The following SIK3 variants were observed in gnomAD, a reference collection of about 807,000 sequenced individuals.
SIK3 encodes the protein SIK family kinase 3, also known as serine/threonine-protein kinase SIK3.
In SIK3, 28 loss-of-function variants were observed where a neutral mutation model predicts 144.2. The ratio of observed to expected loss-of-function variants is 0.19; its 90% CI spans 0.14 to 0.27. The LOEUF (loss-of-function observed/expected upper bound fraction) is 0.27, where lower values mean the gene tolerates loss of function less well. Ranked by LOEUF, SIK3 falls within the 10% of genes least tolerant of loss-of-function variation. SIK3 has a pLI of 1.00. For synonymous variants in SIK3, 686 were observed against 676.3 expected, an observed-to-expected ratio of 1.01 and a Z score of -0.22; for missense variants, 1,319 against 1,776.0, an observed-to-expected ratio of 0.74 and a Z score of 4.62.
intron 3 of SIK3, among the ~76,000 whole-genome samples, chr11:116,931,247 C>T (rs546508127): frequency 2.3e-4 from 35 of 152,250 alleles, no homozygotes; most frequent in Non-Finnish European, 4.7e-4. Flanking sequence ...AGCACCAGCA[C>T]GTAAGTTTGC....
intron 1 of SIK3, among the ~76,000 whole-genome samples, chr11:117,038,622 G>A (rs973840636): frequency 5.9e-5 from 9 of 151,754 alleles, no homozygotes; most frequent in Non-Finnish European, 2.9e-5. Flanking sequence ...CAAAGTGTTG[G>A]GATTACAAGT....
chr11:116,857,578 C>T, intron 21 of SIK3: 4 of 603,060 alleles, frequency 6.6e-6, no homozygotes. Context: ...GGAAATGGAT[C>T]ATCTATCTTA....
At chr11:116,956,048 A>C (rs1474508661) in intron 2 of SIK3, among the ~76,000 whole-genome samples, 1 of 152,192 alleles carries the variant, frequency 6.6e-6, no homozygotes, top group Non-Finnish European at 1.5e-5. Flanking sequence ...AAAATAACCA[A>C]GTGGGTGGCC....
chr11:116,937,618 C>G (rs1947990048), intron 3 of SIK3, among the ~76,000 whole-genome samples: 1 of 152,166 alleles, frequency 6.6e-6, no homozygotes, highest in Non-Finnish European at 1.5e-5. Flanking sequence ...TGTTTTCAAT[C>G]AATCAGTCTC....
At chr11:117,012,877 A>T (rs1951323065) in intron 1 of SIK3, among the ~76,000 whole-genome samples, 1 of 119,844 alleles carries the variant, frequency 8.3e-6, no homozygotes, top group African/African-American at 3.2e-5. Flanking sequence ...TTTGAGACAG[A>T]GTCTCGCTCT....
intron 1 of SIK3, among the ~76,000 whole-genome samples, chr11:117,021,651 T>G (rs1951766331): frequency 6.6e-6 from 1 of 152,054 alleles, no homozygotes; most frequent in Non-Finnish European, 1.5e-5. Context: ...CCACTATCTT[T>G]GTCAACCATT....
intron 1 of SIK3, among the ~76,000 whole-genome samples, chr11:117,023,974 C>T (rs542166660): frequency 1.4e-4 from 21 of 152,088 alleles, no homozygotes; most frequent in Non-Finnish European, 8.8e-5. Flanking sequence ...CCACCACACC[C>T]GGGCCTGGAC....
intron 6 of SIK3, among the ~76,000 whole-genome samples, chr11:116,888,423 A>C (rs1016231555): frequency 6.6e-6 from 1 of 152,238 alleles, no homozygotes; most frequent in African/African-American, 2.4e-5. Context: ...CACGAGGCGT[A>C]AGCAGAAAAA....
At chr11:116,884,666 G>A (rs887294034) in intron 6 of SIK3, among the ~76,000 whole-genome samples, 1 of 151,584 alleles carries the variant, frequency 6.6e-6, no homozygotes, top group Non-Finnish European at 1.5e-5. Flanking sequence ...TAGAGACAGG[G>A]TCTTGCTATG....
chr11:116,913,220 C>T (rs917072439), intron 4 of SIK3, among the ~76,000 whole-genome samples: 4 of 151,638 alleles, frequency 2.6e-5, no homozygotes, highest in Non-Finnish European at 5.9e-5. Context: ...TCACTAGGAG[C>T]TAATAGAGAA....
intron 16 of SIK3, 141 bp from the exon 17 acceptor site, chr11:116,862,468 C>A: frequency 1.0e-6 from 1 of 1,001,574 alleles, no homozygotes; most frequent in Non-Finnish European, 1.5e-6. Flanking sequence ...GCAATTAACT[C>A]ATTTACCTAA....
chr11:116,870,509 C>T, intron 13 of SIK3, 108 bp from the exon 14 acceptor site: 1 of 1,477,786 alleles, frequency 6.8e-7, no homozygotes. Context: ...TTCTTATTTA[C>T]AGAACTTTTC....
Position 116,985,748 on chromosome 11 carries a change from T to C in SIK3, c.274-28684A>G, listed in dbSNP as rs112354884. On this transcript the variant is annotated intron_variant, in intron 1 of 24. Coordinates refer to ENST00000445177, the MANE Select transcript of SIK3 (RefSeq NM_001366686.3). The stretch of plus-strand genomic sequence containing the variant: ...AATGAACACGAATCAAGAGAAGCCA[T>C]TGTTTAGGGAAAATAAACACTTTGT... Among the ~76,000 whole-genome samples the C allele has an allele frequency of 8.8e-3, 1,336 of 152,292 alleles. 8 individuals carry two copies. Among genetic ancestry groups the C allele is most frequent in the Non-Finnish European group, 0.013 (913 of 68,026 alleles).
chr11:117,036,695 A>G (rs910039367), intron 1 of SIK3, among the ~76,000 whole-genome samples: 1 of 152,210 alleles, frequency 6.6e-6, no homozygotes. Context: ...CATGTCACCA[A>G]ATCAAAGCCA....
At chr11:116,904,343 T>C (rs1163778449) in intron 4 of SIK3, among the ~76,000 whole-genome samples, 6 of 152,106 alleles carry the variant, frequency 3.9e-5, no homozygotes, top group Non-Finnish European at 4.4e-5. Flanking sequence ...CTGGGTACAA[T>C]AAAGGGTTTG....
intron 16 of SIK3, 99 bp downstream of exon 16, chr11:116,863,569 G>A: frequency 6.5e-7 from 1 of 1,527,798 alleles, no homozygotes. Flanking sequence ...CTGCAATGTT[G>A]CTGACATAAA....
In SIK3 at chr11:116,847,467, G is replaced by A; in HGVS notation, c.3952+9C>T. 1 of 1,614,086 alleles carries A rather than the reference G, an allele frequency of 6.2e-7. No individual in the cohort carries two copies. ...TTCTCTGGAGTGCCCCATGCATAAG[G>A]CTCCTCACCCTCATTTTCCCCATCC... is the stretch of plus-strand genomic sequence containing the variant. On this transcript the variant is annotated intron_variant, in intron 23 of 24. Transcript: ENST00000445177.
intron 6 of SIK3, among the ~76,000 whole-genome samples, chr11:116,894,973 AT>A (rs1236496901): frequency 6.6e-6 from 1 of 152,142 alleles, no homozygotes; most frequent in Non-Finnish European, 1.5e-5. Context: ...AAATTTTTCA[AT>A]TTTTTTGTAT....
At chr11:116,906,060 C>A (rs1476186133) in intron 4 of SIK3, among the ~76,000 whole-genome samples, 1 of 152,058 alleles carries the variant, frequency 6.6e-6, no homozygotes, top group Non-Finnish European at 1.5e-5. Flanking sequence ...GTTTGAGAGC[C>A]ACACTTACAG....
Sources: allele counts gnomAD v4.1 joint callset (sites outside exome capture counted in the v4.1 genomes callset), GRCh38; gene constraint gnomAD v4.1.1; transcripts MANE v1.5; gene names NCBI Gene and HGNC (gene_info 2026-07-23, HGNC 2026-07-21).